The following RTEL1 variants were observed in gnomAD, a reference collection of about 807,000 sequenced individuals.
The protein encoded by RTEL1 is regulator of telomere length.
In RTEL1, 86 loss-of-function variants were observed where a neutral mutation model predicts 162.2. That is an observed-to-expected ratio of 0.53 (90% CI 0.45 to 0.63). RTEL1 has a LOEUF of 0.63. Ranked by LOEUF, RTEL1 falls within the 30% of genes least tolerant of loss-of-function variation. The pLI is 0.00. For synonymous variants in RTEL1, 958 were observed against 717.9 expected (o/e 1.33, Z -5.35); for missense variants, 1,941 against 1,750.2 (o/e 1.11, Z -1.95).
chr20:63,676,322 A>T (rs1476429595), intron 10 of RTEL1, among the ~76,000 whole-genome samples: 1 of 152,120 alleles, frequency 6.6e-6, no homozygotes, highest in Non-Finnish European at 1.5e-5. Context: ...CGGAATCTGT[A>T]CAGGAGGGGC....
At position 63,663,022 on chromosome 20, in the gene RTEL1, C is replaced by G. The variant is rs891321927; in HGVS notation, c.538+133C>G. Reference sequence around the variant, plus strand: ...GTGCGGCCATGTACCTGGGCCCTGTCTTCTGACTCGGGGCCACCCATGTTA... The same window carrying G: ...GTGCGGCCATGTACCTGGGCCCTGTGTTCTGACTCGGGGCCACCCATGTTA... On this transcript the variant is annotated intron_variant, in intron 6 of 34. Coordinates refer to ENST00000360203, the MANE Select transcript of RTEL1 (RefSeq NM_001283009.2). The G allele has an allele frequency of 3.6e-6, 3 of 838,140 alleles. No homozygotes were observed. In the African/African-American group the frequency reaches 5.0e-5, roughly 14 times the overall value. 51.9% of individuals were successfully genotyped at this position (838,140 alleles called of 1,614,324 possible).
At chr20:63,679,765 C>T (rs1479470872) in intron 12 of RTEL1, 84 bp from the exon 13 acceptor site, 8 of 1,061,202 alleles carry the variant, frequency 7.5e-6, no homozygotes, top group East Asian at 7.1e-5. Flanking sequence ...CCCTCAGGCC[C>T]GAGCCTGCCT....
chr20:63,680,666 G>A lies in RTEL1; in HGVS notation c.1138G>A (p.Ala380Thr), dbSNP rs1417106221. Residue 380 changes from alanine (A) to threonine (T), a missense_variant and splice_region_variant, in exon 14 of 35, where the codon GCT becomes ACT. Ala to Thr is a moderately conservative substitution (Grantham distance 58). Coordinates refer to ENST00000360203, the MANE Select transcript of RTEL1 (RefSeq NM_001283009.2). ...DQIIQHLAGR[A>T]GVFTNTAGLQ... ...GTCAGCGCCCTGCTGCCCTCCAGGT[G>A]CTGGAGTGTTCACCAACACGGCCGG... The A allele has an allele frequency of 2.5e-6, 4 of 1,613,096 alleles. No individual in the cohort carries two copies. The highest frequency in any genetic ancestry group is 2.5e-6 in the Non-Finnish European group (3 of 1,179,998).
intron 8 of RTEL1, among the ~76,000 whole-genome samples, chr20:63,667,901 G>A (rs1452613395): frequency 6.6e-6 from 1 of 151,568 alleles, no homozygotes; most frequent in Non-Finnish European, 1.5e-5. Flanking sequence ...GAAGCCCACT[G>A]ACTCCCCTCT....
In RTEL1 at chr20:63,695,512, G is replaced by C; in HGVS notation, c.3684G>C (p.Gln1228His). The C allele has an allele frequency of 6.2e-7, 1 of 1,611,876 alleles. No individual in the cohort carries two copies. Among genetic ancestry groups the C allele is most frequent in the Non-Finnish European group, 8.5e-7 (1 of 1,179,578 alleles). ...CTCATGGGAGAGACATCGCTGGGCA[G>C]CAGGCCACGGGAGCTCCGGGCGGGC... ...GEPHGRDIAG[Q>H]QATGAPGGPL... Residue 1228 changes from glutamine to histidine, a missense_variant, in exon 34 of 35, where the codon CAG becomes CAC. Transcript: ENST00000360203.
chr20:63,678,223 GCCT>G (rs1397965030), intron 11 of RTEL1, 40 bp downstream of exon 11: 14 of 1,612,734 alleles, frequency 8.7e-6, no homozygotes, highest in Admixed American at 1.7e-5. Flanking sequence ...GCTGGGTGGG[GCCT>G]CCTCCTTGCG....
At chr20:63,693,417 G>T (rs868548189) in intron 30 of RTEL1, 134 bp downstream of exon 30, 31 of 1,042,028 alleles carry the variant, frequency 3.0e-5, no homozygotes, top group Non-Finnish European at 4.1e-5. Context: ...GGGAGTGATG[G>T]GGGCCTCCAC....
Position 63,693,183 on chromosome 20 carries a change from TGAG to T in RTEL1, c.2897_2899del (p.Glu966del), listed in dbSNP as rs2090804376. On this transcript the variant is annotated inframe_deletion, in exon 30 of 35. Coordinates refer to ENST00000360203, the MANE Select transcript of RTEL1 (RefSeq NM_001283009.2). ...TGCGGCCCCACCATAAGCAGCAGTTTGAGGAGGTCTGTATCCAGCTGACAGGAC... is the reference window on the plus strand; with the variant it reads ...TGCGGCCCCACCATAAGCAGCAGTTTGAGGTCTGTATCCAGCTGACAGGAC... 6.2e-7 allele frequency: 1 copy of T among 1,612,054 alleles called. No individual in the cohort carries two copies. Among genetic ancestry groups the T allele is most frequent in the Non-Finnish European group, 8.5e-7 (1 of 1,179,562 alleles).
Position 63,672,543 on chromosome 20 carries a change from CTT to C in RTEL1, c.700-12_700-11del. On this transcript the variant is annotated splice_polypyrimidine_tract_variant and intron_variant, in intron 8 of 34. Transcript: ENST00000360203. Reference sequence around the variant, plus strand: ...TGAGCTCCAGCGCTGCGTCCCTTCTCTTCCTCCTGTAGAGCCGCAGAGCACAC... The same window carrying C: ...TGAGCTCCAGCGCTGCGTCCCTTCTCCCTCCTGTAGAGCCGCAGAGCACAC... 1 of 1,569,634 alleles carries C rather than the reference CTT, an allele frequency of 6.4e-7. No homozygotes were observed. The highest frequency in any genetic ancestry group is 1.3e-5 in the African/African-American group (1 of 74,284).
Position 63,661,629 on chromosome 20 carries a change from T to A in RTEL1, c.301+133T>A, listed in dbSNP as rs1228168123. Reference sequence around the variant, plus strand: ...AACTCAAGGAGAATTTTTTAGCTGCTGTATAATTTCTCGCCATCGTGGGTG... The same window carrying A: ...AACTCAAGGAGAATTTTTTAGCTGCAGTATAATTTCTCGCCATCGTGGGTG... On this transcript the variant is annotated intron_variant, in intron 3 of 34. Coordinates refer to ENST00000360203, the MANE Select transcript of RTEL1 (RefSeq NM_001283009.2). This position sits in a 1 kb window ranked among gnomAD's most constrained non-coding sequence, Gnocchi z 5.1. 9.5e-7 allele frequency: 1 copy of A among 1,055,586 alleles called. No homozygotes were observed. The highest frequency in any genetic ancestry group is 1.6e-5 in the African/African-American group (1 of 62,814). The allele number at this position is 1,055,586 out of a possible 1,614,324, so 65.4% of individuals were successfully genotyped here. A position where few individuals can be genotyped will look rare whatever the true frequency, so the allele number is the denominator to read the frequency against.
At position 63,692,844 on chromosome 20, in the gene RTEL1, C is replaced by T. The variant is rs555482478; in HGVS notation, c.2692C>T (p.Leu898Phe). The part of the protein sequence containing the change: ...VAGAQTDRAK[L>F]FMVAVKQELS... ...TGGTGCACAGACGGACAGGGCCAAG[C>T]TCTTCATGGTGGCCGTGAAGCAGGA... The change falls in exon 29 of 35, where the codon CTC becomes TTC. Residue 898 changes from leucine to phenylalanine, a missense_variant. Leu to Phe is a conservative substitution (Grantham distance 22, BLOSUM62 0). Coordinates refer to ENST00000360203, the MANE Select transcript of RTEL1 (RefSeq NM_001283009.2). 3.7e-5 allele frequency: 60 copies of T among 1,612,608 alleles called. No homozygotes were observed. The highest frequency in any genetic ancestry group is 4.8e-5 in the Non-Finnish European group (57 of 1,179,842).
chr20:63,662,897 C>A lies in RTEL1; in HGVS notation c.538+8C>A, dbSNP rs749049004. On this transcript the variant is annotated splice_region_variant and intron_variant, in intron 6 of 34. Transcript: ENST00000360203. ...TCTACAACAACGTAGAAGGTACAAG[C>A]AGCTGGGTGGGACCAGGGTCGGGTT... 3.7e-6 allele frequency: 6 copies of A among 1,613,568 alleles called. No individual in the cohort carries two copies. Among genetic ancestry groups the A allele is most frequent in the Non-Finnish European group, 5.1e-6 (6 of 1,179,636 alleles).
In RTEL1 at chr20:63,678,654, A is replaced by AGCACACACACCCACGGAACG. The variant is rs1385952908; in HGVS notation, c.1037+328_1037+347dup. On this transcript the variant is annotated intron_variant, in intron 12 of 34. Transcript: ENST00000360203. ...AACAGCACACACACTCCCACGGAACAGCACACACACCCACGGAACGGCACA... is the reference window on the plus strand; with the variant it reads ...AACAGCACACACACTCCCACGGAACAGCACACACACCCACGGAACGGCACACACACCCACGGAACGGCACA... Among the ~76,000 whole-genome samples the AGCACACACACCCACGGAACG allele has an allele frequency of 2.6e-5, 3 of 116,910 alleles. No homozygotes were observed. The East Asian group carries it at 7.2e-4, about 28-fold the overall frequency. The allele number at this position is 116,910 out of a possible 152,430, so 76.7% of individuals were successfully genotyped here. A position where few individuals can be genotyped will look rare whatever the true frequency, so the allele number is the denominator to read the frequency against.
intron 10 of RTEL1, among the ~76,000 whole-genome samples, chr20:63,675,610 C>T (rs974846878): frequency 6.6e-6 from 1 of 152,100 alleles, no homozygotes; most frequent in Non-Finnish European, 1.5e-5. Context: ...GCCTCCTGGG[C>T]TCATGGGATC....
At position 63,684,415 on chromosome 20, in the gene RTEL1, G is replaced by A. The variant is rs533240010; in HGVS notation, c.1192-1108G>A. Reference sequence around the variant, plus strand: ...GTTGCCCAGGCTGGAGTGCAGTGGCGCGATCTCGGCTCACTGCAAGCTCCG... The same window carrying A: ...GTTGCCCAGGCTGGAGTGCAGTGGCACGATCTCGGCTCACTGCAAGCTCCG... On this transcript the variant is annotated intron_variant, in intron 14 of 34. Transcript: ENST00000360203. 4.0e-5 allele frequency among the ~76,000 whole-genome samples: 6 copies of A among 151,590 alleles called. No homozygotes were observed. In the East Asian group the frequency reaches 7.8e-4, roughly 20 times the overall value.
chr20:63,674,096 G>A lies in RTEL1; in HGVS notation c.919+3G>A. The A allele has an allele frequency of 2.5e-6, 4 of 1,607,816 alleles. No homozygotes were observed. Among genetic ancestry groups the A allele is most frequent in the Non-Finnish European group, 3.4e-6 (4 of 1,177,454 alleles). ...CAGCGCGGACTCCCCCAGCCCAGGT[G>A]CGTTCATAGCCAGACTGCTTGGTCC... On this transcript the variant is annotated splice_donor_region_variant and intron_variant, in intron 10 of 34. Transcript: ENST00000360203.
chr20:63,676,795 T>C (rs113978616), intron 10 of RTEL1, among the ~76,000 whole-genome samples: 1,570 of 152,068 alleles, frequency 0.01, 27 homozygotes, highest in African/African-American at 0.036. Context: ...ATTAGCCAGG[T>C]GTGGTGGTGC....
chr20:63,687,591 A>C (rs1181901130), intron 16 of RTEL1, 47 bp from the exon 17 acceptor site: 1 of 1,549,812 alleles, frequency 6.5e-7, no homozygotes, highest in East Asian at 2.3e-5. Flanking sequence ...TCAGGCCCCC[A>C]GTCCCGTCCT....
At position 63,694,450 on chromosome 20, in the gene RTEL1, A is replaced by C; in HGVS notation, c.3071A>C (p.Gln1024Pro). Residue 1024 changes from glutamine (Q) to proline (P), a missense_variant, in exon 31 of 35, where the codon CAG becomes CCG. By Grantham distance (76) the Gln-to-Pro change is moderately conservative. Coordinates refer to ENST00000360203, the MANE Select transcript of RTEL1 (RefSeq NM_001283009.2). ...QQLDPQEHLN[Q>P]GRPHLSPRPP... ...CTGGACCCCCAAGAGCACCTGAACC[A>C]GGGCAGGCCCCACCTGTCGCCCAGG... 1 of 1,609,018 alleles carries C rather than the reference A, an allele frequency of 6.2e-7. No individual in the cohort carries two copies. Among genetic ancestry groups the C allele is most frequent in the South Asian group, 1.1e-5 (1 of 90,964 alleles).
Sources: gnomAD v4.1 joint callset for allele counts (sites outside exome capture counted in the v4.1 genomes callset) on GRCh38, gnomAD v4.1.1 for gene constraint, Gnocchi (gnomAD v3.1) non-coding constraint, MANE v1.5 for transcripts, NCBI Gene and HGNC (gene_info 2026-07-23, HGNC 2026-07-21) for gene names.